ST3GAL2: variants seen among roughly 807,000 people sequenced by gnomAD.
ST3GAL2 encodes ST3 beta-galactoside alpha-2,3-sialyltransferase 2.
In ST3GAL2, 16 loss-of-function variants were observed where a neutral mutation model predicts 37.5. That is an observed-to-expected ratio of 0.43 (90% CI 0.29 to 0.65). ST3GAL2 has a LOEUF of 0.65. Ranked by LOEUF, ST3GAL2 falls within the 30% of genes least tolerant of loss-of-function variation. The pLI is 0.17. For synonymous variants in ST3GAL2, 238 were observed against 202.9 expected (o/e 1.17, Z -1.47); for missense variants, 383 against 487.8 (o/e 0.79, Z 2.02).
rs181220226 is a variant in ST3GAL2, at chr16:70,424,663, T to C, written c.-1004+14286A>G. ...TTCTTGCCAATGAAATGGAAAATGG[T>C]TGCACATGGTGTAAGACTGTATCAT... On this transcript the variant is annotated intron_variant, in intron 1 of 6. Transcript: ENST00000342907. 2.0e-4 allele frequency among the ~76,000 whole-genome samples: 30 copies of C among 152,228 alleles called. 1 individual carries two copies. The highest frequency in any genetic ancestry group is 8.3e-4 in the South Asian group (4 of 4,814).
chr16:70,402,729 A>G (rs1285385029), intron 1 of ST3GAL2, among the ~76,000 whole-genome samples: 2 of 152,158 alleles, frequency 1.3e-5, no homozygotes, highest in Non-Finnish European at 2.9e-5. Context: ...GGCTCACTGC[A>G]GCCTCCGCCT....
At chr16:70,426,443 G>A (rs560017566) in intron 1 of ST3GAL2, among the ~76,000 whole-genome samples, 27 of 151,048 alleles carry the variant, frequency 1.8e-4, no homozygotes, top group Non-Finnish European at 2.5e-4. Context: ...CAGGCAATCC[G>A]CCTGCCTCGG....
At chr16:70,382,580 G>A (rs934575983) in intron 6 of ST3GAL2, among the ~76,000 whole-genome samples, 2 of 152,134 alleles carry the variant, frequency 1.3e-5, no homozygotes, top group African/African-American at 4.8e-5. Flanking sequence ...CACCGCGCAC[G>A]GCCAATAACT....
intron 1 of ST3GAL2, among the ~76,000 whole-genome samples, chr16:70,426,972 C>T (rs994662599): frequency 6.6e-6 from 1 of 152,076 alleles, no homozygotes; most frequent in African/African-American, 2.4e-5. Flanking sequence ...CTCAGCCTCC[C>T]GAGTAGCCGG....
chr16:70,381,485 G>A lies in ST3GAL2; in HGVS notation c.*204C>T, dbSNP rs2047403844. On this transcript the variant is annotated 3_prime_UTR_variant, in exon 7 of 7. Transcript: ENST00000342907. ...GCCGGAAGTTTTCCTTGAGTCACAT[G>A]ATTGGCTGGGAGAAACAGAAGCTCC... 3.2e-6 allele frequency: 2 copies of A among 627,802 alleles called. No individual in the cohort carries two copies. The highest frequency in any genetic ancestry group is 1.8e-5 in the African/African-American group (1 of 54,172). 38.9% of individuals were successfully genotyped at this position (627,802 alleles called of 1,614,324 possible). A position where few individuals can be genotyped will look rare whatever the true frequency, so the allele number is the denominator to read the frequency against.
At chr16:70,395,812 G>A (rs1298149981) in intron 2 of ST3GAL2, among the ~76,000 whole-genome samples, 1 of 152,208 alleles carries the variant, frequency 6.6e-6, no homozygotes, top group Non-Finnish European at 1.5e-5. Flanking sequence ...TGACATGGCA[G>A]GTAAGGTCCA....
rs187619356 is a variant in ST3GAL2 at position 70,421,531 on chromosome 16, C to T, written c.-1004+17418G>A. On this transcript the variant is annotated intron_variant, in intron 1 of 6. Coordinates refer to ENST00000342907, the MANE Select transcript of ST3GAL2 (RefSeq NM_006927.4). ...TTTAGGGGGATGTGGAAAGGAAGGA[C>T]GCACAGACCTTGGTCCATTACAGTG... is the stretch of plus-strand genomic sequence containing the variant. 5.6e-4 allele frequency among the ~76,000 whole-genome samples: 86 copies of T among 152,328 alleles called. 1 individual carries two copies. In the South Asian group the frequency reaches 5.8e-3, roughly 10 times the overall value.
intron 1 of ST3GAL2, among the ~76,000 whole-genome samples, chr16:70,405,540 TAA>T (rs58998342): frequency 0.049 from 4,996 of 100,998 alleles, 330 homozygotes; most frequent in African/African-American, 0.19. Flanking sequence ...GACTCCGTCT[TAA>T]AAAAAAAAAA....
chr16:70,399,945 G>C (rs1262138010), intron 1 of ST3GAL2: 2 of 152,502 alleles, frequency 1.3e-5, no homozygotes, highest in South Asian at 2.1e-4. Context: ...TGCCTGCAGA[G>C]GCCTCTCCCA....
intron 1 of ST3GAL2, among the ~76,000 whole-genome samples, chr16:70,406,974 G>C (rs986521901): frequency 1.3e-5 from 2 of 152,160 alleles, no homozygotes; most frequent in African/African-American, 4.8e-5. Flanking sequence ...CGTCCTGGAG[G>C]GGGGCTACCT....
chr16:70,403,376 T>G (rs1265165291), intron 1 of ST3GAL2, among the ~76,000 whole-genome samples: 1 of 152,190 alleles, frequency 6.6e-6, no homozygotes, highest in African/African-American at 2.4e-5. Context: ...ACAAAAGTTC[T>G]GGTTAAATTT....
rs772466300 is a variant in ST3GAL2 at position 70,376,554 on chromosome 16, G to A, written c.*5135C>T. On this transcript the variant is annotated 3_prime_UTR_variant, in exon 7 of 7. Transcript: ENST00000342907. ...GTGGGTTGGTTGTTACCCAGGCATAGACTTGCTGCAGGAGCTGTGATTTTT... is the reference window on the plus strand; with the variant it reads ...GTGGGTTGGTTGTTACCCAGGCATAAACTTGCTGCAGGAGCTGTGATTTTT... The A allele has an allele frequency of 6.6e-6, 1 of 152,214 alleles. No homozygotes were observed. The highest frequency in any genetic ancestry group is 1.5e-5 in the Non-Finnish European group (1 of 68,038). The allele number at this position is 152,214 out of a possible 1,614,324, so 9.4% of individuals were successfully genotyped here. A position where few individuals can be genotyped will look rare whatever the true frequency, so the allele number is the denominator to read the frequency against.
intron 1 of ST3GAL2, among the ~76,000 whole-genome samples, chr16:70,438,298 A>C (rs1458847993): frequency 6.6e-6 from 1 of 152,094 alleles, no homozygotes; most frequent in Non-Finnish European, 1.5e-5. Flanking sequence ...GTAAGAAATG[A>C]CTTCCATTCC....
chr16:70,408,890 C>CAAAACAA (rs2047613111), intron 1 of ST3GAL2, among the ~76,000 whole-genome samples: 7 of 59,862 alleles, frequency 1.2e-4, no homozygotes, highest in African/African-American at 3.1e-4. Flanking sequence ...CTCAAAGAAA[C>CAAAACAA]AAAAAAAAAA....
At chr16:70,405,488 C>T (rs1444604539) in intron 1 of ST3GAL2, among the ~76,000 whole-genome samples, 1 of 144,254 alleles carries the variant, frequency 6.9e-6, no homozygotes, top group Non-Finnish European at 1.5e-5. Context: ...TTGCAGTGAG[C>T]CGAGATTGCG....
At chr16:70,394,111 C>T (rs1002058602) in intron 3 of ST3GAL2, among the ~76,000 whole-genome samples, 6 of 152,308 alleles carry the variant, frequency 3.9e-5, no homozygotes, top group Admixed American at 2.0e-4. Context: ...TCCCTGTTCA[C>T]GCCCAGGCCT....
Position 70,381,559 on chromosome 16 carries a change from T to C in ST3GAL2, c.*130A>G. On this transcript the variant is annotated 3_prime_UTR_variant, in exon 7 of 7. Coordinates refer to ENST00000342907, the MANE Select transcript of ST3GAL2 (RefSeq NM_006927.4). ...GCCAGGCCCGGCCGGTCCCCCAGTC[T>C]CGTGATTGGCGGGGCACAGCAGACG... 1 of 1,151,140 alleles carries C rather than the reference T, an allele frequency of 8.7e-7. No individual in the cohort carries two copies. Among genetic ancestry groups the C allele is most frequent in the Non-Finnish European group, 1.2e-6 (1 of 837,308 alleles). The allele number at this position is 1,151,140 out of a possible 1,614,324, so 71.3% of individuals were successfully genotyped here. A position where few individuals can be genotyped will look rare whatever the true frequency, so the allele number is the denominator to read the frequency against.
rs1340122660 is a variant in ST3GAL2 at position 70,399,442 on chromosome 16, C to T, written c.-912G>A. On this transcript the variant is annotated 5_prime_UTR_variant, in exon 2 of 7. Coordinates refer to ENST00000342907, the MANE Select transcript of ST3GAL2 (RefSeq NM_006927.4). The stretch of plus-strand genomic sequence containing the variant: ...GCCCAGGTTCTGCCCATCCCCACTC[C>T]CCCGGGGCCAGCCTATCCTGCTGTG... 5.0e-6 allele frequency: 2 copies of T among 398,666 alleles called. No homozygotes were observed. The highest frequency in any genetic ancestry group is 8.8e-6 in the Non-Finnish European group (2 of 226,194). 24.7% of individuals were successfully genotyped at this position (398,666 alleles called of 1,614,324 possible). A position where few individuals can be genotyped will look rare whatever the true frequency, so the allele number is the denominator to read the frequency against.
chr16:70,430,555 C>T (rs1420483898), intron 1 of ST3GAL2, among the ~76,000 whole-genome samples: 1 of 152,186 alleles, frequency 6.6e-6, no homozygotes, highest in East Asian at 1.9e-4. Flanking sequence ...AATGGGATCC[C>T]CATTCCTCTC....
Sources: gnomAD v4.1 joint callset for allele counts (sites outside exome capture counted in the v4.1 genomes callset) on GRCh38, gnomAD v4.1.1 for gene constraint, MANE v1.5 for transcripts, NCBI Gene and HGNC (gene_info 2026-07-23, HGNC 2026-07-21) for gene names.